RAB18: variants seen among roughly 807,000 people sequenced by gnomAD.
RAB18 encodes RAB18, member RAS oncogene family, also known as ras-related protein Rab-18.
RAB18 carries 10 observed loss-of-function variants against 28.5 expected under a neutral mutation model. The ratio of observed to expected loss-of-function variants is 0.35; its 90% CI spans 0.22 to 0.60. The LOEUF (loss-of-function observed/expected upper bound fraction) is 0.60. Ranked by LOEUF, RAB18 falls within the 20% of genes least tolerant of loss-of-function variation. The pLI is 0.78. For missense variants in RAB18, 188 were observed against 244.2 expected (o/e 0.77, Z 1.53); for synonymous variants, 93 against 86.9 (o/e 1.07, Z -0.39).
At chr10:27,513,305 G>A (rs1054848467) in intron 2 of RAB18, among the ~76,000 whole-genome samples, 13 of 152,002 alleles carry the variant, frequency 8.6e-5, no homozygotes, top group African/African-American at 3.1e-4. Flanking sequence ...AAAGTGCTAG[G>A]ATTACAGGTG....
At chr10:27,523,808 G>A (rs1438671704) in intron 2 of RAB18, among the ~76,000 whole-genome samples, 1 of 151,822 alleles carries the variant, frequency 6.6e-6, no homozygotes, top group Non-Finnish European at 1.5e-5. Flanking sequence ...GGCTGGGTGC[G>A]GTGGCTCACG....
rs774844017 is a variant in RAB18, at chr10:27,540,672, A to G, written c.*2621A>G. On this transcript the variant is annotated 3_prime_UTR_variant, in exon 7 of 7. Coordinates refer to ENST00000356940, the MANE Select transcript of RAB18 (RefSeq NM_021252.5). ...GGTACAAAGTTAGGGGACTTATGGTACCTTCACTTTTTATGTGAGAATAGA... is the reference window on the plus strand; with the variant it reads ...GGTACAAAGTTAGGGGACTTATGGTGCCTTCACTTTTTATGTGAGAATAGA... The G allele has an allele frequency of 8.8e-6, 4 of 453,968 alleles. No homozygotes were observed. Among genetic ancestry groups the G allele is most frequent in the Admixed American group, 2.3e-5 (1 of 42,558 alleles). The allele number at this position is 453,968 out of a possible 1,614,324, so 28.1% of individuals were successfully genotyped here.
Position 27,504,453 on chromosome 10 carries a change from G to A in RAB18, c.68+16G>A, listed in dbSNP as rs1186646896. On this transcript the variant is annotated intron_variant, in intron 1 of 6. Transcript: ENST00000356940. ...GCAAGTCCAGGTGAGGCGGAGGTGC[G>A]GGTCGTGACGAGGGTGGCTGGGCTC... 1.9e-6 allele frequency: 3 copies of A among 1,558,480 alleles called. No homozygotes were observed. In the African/African-American group the frequency reaches 4.1e-5, roughly 21 times the overall value.
rs769847675 is a variant in RAB18, at chr10:27,504,666, G to A, written c.68+229G>A. The A allele has an allele frequency of 4.6e-5, 34 of 735,090 alleles. No homozygotes were observed. The South Asian group carries it at 4.9e-4, about 11-fold the overall frequency. The allele number at this position is 735,090 out of a possible 1,614,324, so 45.5% of individuals were successfully genotyped here. A position where few individuals can be genotyped will look rare whatever the true frequency, so the allele number is the denominator to read the frequency against. On this transcript the variant is annotated intron_variant, in intron 1 of 6. Coordinates refer to ENST00000356940, the MANE Select transcript of RAB18 (RefSeq NM_021252.5). ...TTGCCAGGCCCAAGTTCTCTGGGTC[G>A]CTCTCCCTCCTGTAGCGCCGAGAAA...
chr10:27,509,802 A>G, intron 1 of RAB18, 73 bp from the exon 2 acceptor site: 1 of 1,248,574 alleles, frequency 8.0e-7, no homozygotes, highest in African/African-American at 1.5e-5. Context: ...TTGTGACCAA[A>G]TAATCATGAA....
At chr10:27,504,834 C>A (rs1021279296) in intron 1 of RAB18, 1 of 470,326 alleles carries the variant, frequency 2.1e-6, no homozygotes, top group South Asian at 1.7e-5. Context: ...CCCCGAGACC[C>A]GGGAGACATA....
At chr10:27,517,194 C>T (rs1351735883) in intron 2 of RAB18, among the ~76,000 whole-genome samples, 1 of 152,054 alleles carries the variant, frequency 6.6e-6, no homozygotes, top group East Asian at 1.9e-4. Flanking sequence ...GAAACCCTGT[C>T]TCTACTAAAA....
Position 27,539,151 on chromosome 10 carries a change from T to G in RAB18, c.*1100T>G, listed in dbSNP as rs1168530413. 1 of 359,256 alleles carries G rather than the reference T, an allele frequency of 2.8e-6. No individual in the cohort carries two copies. Among genetic ancestry groups the G allele is most frequent in the East Asian group, 7.4e-5 (1 of 13,576 alleles). The allele number at this position is 359,256 out of a possible 1,614,324, so 22.3% of individuals were successfully genotyped here. On this transcript the variant is annotated 3_prime_UTR_variant, in exon 7 of 7. Coordinates refer to ENST00000356940, the MANE Select transcript of RAB18 (RefSeq NM_021252.5). ...CCAACTTGTACAGACTAATAAATCT[T>G]TTTCACAGTATTCAGTTTTCTCACC...
chr10:27,537,661 A>G (rs1288899977), intron 6 of RAB18, among the ~76,000 whole-genome samples: 1 of 152,182 alleles, frequency 6.6e-6, no homozygotes, highest in Non-Finnish European at 1.5e-5. Context: ...TTTTTTTGGT[A>G]TAAAATTATA....
chr10:27,520,867 G>A (rs1394883538), intron 2 of RAB18, among the ~76,000 whole-genome samples: 2 of 118,868 alleles, frequency 1.7e-5, no homozygotes, highest in Non-Finnish European at 3.2e-5. Context: ...CAGTGAGCCG[G>A]TATCGCACCA....
At chr10:27,504,529 T>C in intron 1 of RAB18, 92 bp downstream of exon 1, 1 of 1,417,264 alleles carries the variant, frequency 7.1e-7, no homozygotes, top group South Asian at 1.2e-5. Context: ...AACTGTAAAC[T>C]GCAGCGGCGG....
At chr10:27,515,423 C>A (rs775867255) in intron 2 of RAB18, among the ~76,000 whole-genome samples, 3 of 152,082 alleles carry the variant, frequency 2.0e-5, no homozygotes, top group Non-Finnish European at 4.4e-5. Context: ...CTACTTCAGA[C>A]TGGGTCACAA....
intron 2 of RAB18, 53 bp from the exon 3 acceptor site, chr10:27,526,775 A>G (rs1834681070): frequency 1.2e-6 from 2 of 1,607,902 alleles, no homozygotes; most frequent in Non-Finnish European, 1.7e-6. Flanking sequence ...TTGGTAATGG[A>G]TTTTAAAAGT....
At chr10:27,530,932 A>G (rs1275841817) in intron 3 of RAB18, among the ~76,000 whole-genome samples, 1 of 152,014 alleles carries the variant, frequency 6.6e-6, no homozygotes, top group East Asian at 1.9e-4. Context: ...ATGTTATCAA[A>G]GTTATAATCT....
chr10:27,532,674 C>T (rs1295505961), intron 4 of RAB18, 95 bp downstream of exon 4: 9 of 901,728 alleles, frequency 1.0e-5, no homozygotes, highest in East Asian at 7.5e-5. Flanking sequence ...TTTTACTTCT[C>T]GTTAGAGCTA....
At position 27,541,549 on chromosome 10, in the gene RAB18, C is replaced by G. The variant is rs899544464; in HGVS notation, c.*3498C>G. 15 of 453,714 alleles carry G rather than the reference C, an allele frequency of 3.3e-5. No homozygotes were observed. The highest frequency in any genetic ancestry group is 6.6e-5 in the Non-Finnish European group (15 of 226,756). 28.1% of individuals were successfully genotyped at this position (453,714 alleles called of 1,614,324 possible). A position where few individuals can be genotyped will look rare whatever the true frequency, so the allele number is the denominator to read the frequency against. ...TTCAATGAATGTAAGCACACACACA[C>G]CTACACACATATTTTGAATAGTCGT... On this transcript the variant is annotated 3_prime_UTR_variant, in exon 7 of 7. Transcript: ENST00000356940.
Position 27,538,088 on chromosome 10 carries a change from A to G in RAB18, c.*37A>G. ...TTCCATCTCTTGCATATTTGATCAG[A>G]TAGTGACATCTTTCTGTATATAAAC... On this transcript the variant is annotated 3_prime_UTR_variant, in exon 7 of 7. Transcript: ENST00000356940. 1 of 1,612,516 alleles carries G rather than the reference A, an allele frequency of 6.2e-7. No homozygotes were observed. Among genetic ancestry groups the G allele is most frequent in the Non-Finnish European group, 8.5e-7 (1 of 1,178,516 alleles).
At chr10:27,518,265 T>C (rs1446159006) in intron 2 of RAB18, among the ~76,000 whole-genome samples, 1 of 152,212 alleles carries the variant, frequency 6.6e-6, no homozygotes, top group Non-Finnish European at 1.5e-5. Flanking sequence ...GTAATGGAAT[T>C]GGTGGGTCAT....
chr10:27,519,119 A>G (rs1256969988), intron 2 of RAB18, among the ~76,000 whole-genome samples: 1 of 151,958 alleles, frequency 6.6e-6, no homozygotes, highest in Non-Finnish European at 1.5e-5. Context: ...AGTGGGGTTT[A>G]TCCCACATAG....
Sources: gnomAD v4.1 joint callset for allele counts (sites outside exome capture counted in the v4.1 genomes callset) on GRCh38, gnomAD v4.1.1 for gene constraint, MANE v1.5 for transcripts, NCBI Gene and HGNC (gene_info 2026-07-23, HGNC 2026-07-21) for gene names.